Variants in PLEKHH2 observed in about 807,000 individuals in gnomAD.
The protein encoded by PLEKHH2 is pleckstrin homology, MyTH4 and FERM domain containing H2.
PLEKHH2 carries 129 observed loss-of-function variants against 187.9 expected under a neutral mutation model. That is an observed-to-expected ratio of 0.69 (90% confidence interval 0.59 to 0.79). The LOEUF (loss-of-function observed/expected upper bound fraction) is 0.79. PLEKHH2 is among the 30% of genes least tolerant of loss of function. The pLI, the probability that PLEKHH2 is intolerant of heterozygous loss-of-function variation, is 0.00. For missense variants in PLEKHH2, 2,076 were observed against 1,751.2 expected (o/e 1.19, Z -3.31); for synonymous variants, 686 against 605.6 (o/e 1.13, Z -1.95).
Position 43,712,287 on chromosome 2 carries a change from G to C in PLEKHH2, c.2364G>C (p.Trp788Cys), listed in dbSNP as rs199594794. The part of the protein sequence containing the change: ...TADSPNILEE[W>C]IKVLQNVLRV... ...ATTCTCCCAATATATTGGAAGAGTG[G>C]ATTAAAGTGTTACAGAATGTTCTTC... The change falls in exon 15 of 30, where the codon TGG becomes TGC. Residue 788 changes from tryptophan to cysteine, a missense_variant. Physicochemically the swap from Trp to Cys is radical, Grantham distance 215 (BLOSUM62 -2). Transcript: ENST00000282406. The C allele has an allele frequency of 6.2e-7, 1 of 1,613,536 alleles. No homozygotes were observed. Among genetic ancestry groups the C allele is most frequent in the Non-Finnish European group, 8.5e-7 (1 of 1,179,488 alleles).
At chr2:43,669,473 T>G (rs1328279340) in intron 2 of PLEKHH2, among the ~76,000 whole-genome samples, 2 of 152,128 alleles carry the variant, frequency 1.3e-5, no homozygotes, top group East Asian at 3.9e-4. Context: ...GTATTATATC[T>G]CGACTTTAAA....
intron 7 of PLEKHH2, among the ~76,000 whole-genome samples, chr2:43,699,018 T>C (rs1240013313): frequency 6.6e-5 from 10 of 152,226 alleles, no homozygotes; most frequent in African/African-American, 1.7e-4. Flanking sequence ...TATTAAACTA[T>C]AGCTTTGTAT....
intron 2 of PLEKHH2, among the ~76,000 whole-genome samples, chr2:43,647,412 C>A (rs1313243816): frequency 1.3e-5 from 2 of 152,164 alleles, no homozygotes; most frequent in African/African-American, 4.8e-5. Flanking sequence ...TCTTTTTAAG[C>A]CTGAAGGCTT....
chr2:43,711,966 C>G lies in PLEKHH2; in HGVS notation c.2302-259C>G, dbSNP rs1285407032. On this transcript the variant is annotated intron_variant, in intron 14 of 29. Transcript: ENST00000282406. ...AGAAAGGGAAAATGTGACAAATAAA[C>G]AAGATATAAAATCATAACCCCAAAA... 1.6e-5 allele frequency: 18 copies of G among 1,138,760 alleles called. No individual in the cohort carries two copies. The East Asian group carries it at 1.0e-3, about 65-fold the overall frequency. The allele number at this position is 1,138,760 out of a possible 1,614,324, so 70.5% of individuals were successfully genotyped here.
rs967626451 is a variant in PLEKHH2, at chr2:43,678,034, G to A, written c.124-829G>A. Among the ~76,000 whole-genome samples, 7 of 151,158 alleles carry A rather than the reference G, an allele frequency of 4.6e-5. 1 individual carries two copies. Among genetic ancestry groups the A allele is most frequent in the African/African-American group, 9.7e-5 (4 of 41,182 alleles). On this transcript the variant is annotated intron_variant, in intron 2 of 29. Transcript: ENST00000282406. ...CAGAGGGTCTCCTCACTTCTCAGAC[G>A]AGGCGGCCTGGCAGAGACGCTCCTC...
chr2:43,703,500 G>T (rs1385954198), intron 8 of PLEKHH2, among the ~76,000 whole-genome samples: 1 of 152,088 alleles, frequency 6.6e-6, no homozygotes, highest in Non-Finnish European at 1.5e-5. Flanking sequence ...CTGACTTCAG[G>T]TTTTTCCATT....
chr2:43,763,193 A>G (rs944464168), intron 28 of PLEKHH2, among the ~76,000 whole-genome samples: 5 of 152,196 alleles, frequency 3.3e-5, no homozygotes, highest in African/African-American at 1.2e-4. Context: ...ACTTAAAGTA[A>G]AAACAAACAA....
In PLEKHH2 at chr2:43,700,499, A is replaced by G. The variant is rs144437669; in HGVS notation, c.1541A>G (p.Tyr514Cys). ...DTSCDDGLFS[Y>C]DSLDSPNSDD... ...AGTTGTGATGATGGATTATTTTCCTATGACTCCTTGGACTCTCCAAATTCA... is the reference window on the plus strand; with the variant it reads ...AGTTGTGATGATGGATTATTTTCCTGTGACTCCTTGGACTCTCCAAATTCA... The change falls in exon 8 of 30, where the codon TAT becomes TGT. Residue 514 changes from tyrosine (Y) to cysteine (C), a missense_variant. Tyr to Cys is a radical substitution (Grantham distance 194). Transcript: ENST00000282406. 24 of 1,614,116 alleles carry G rather than the reference A, an allele frequency of 1.5e-5. No homozygotes were observed. The highest frequency in any genetic ancestry group is 9.3e-5 in the African/African-American group (7 of 75,026).
chr2:43,641,138 C>G (rs539695011), intron 1 of PLEKHH2, among the ~76,000 whole-genome samples: 56 of 151,772 alleles, frequency 3.7e-4, no homozygotes, highest in Non-Finnish European at 7.2e-4. Flanking sequence ...TCGTTGAGTC[C>G]TAAGAGTCCT....
Position 43,767,546 on chromosome 2 carries a change from C to A in PLEKHH2, c.*1948C>A, listed in dbSNP as rs933368799. 1 of 152,292 alleles carries A rather than the reference C, an allele frequency of 6.6e-6. No individual in the cohort carries two copies. Among genetic ancestry groups the A allele is most frequent in the Admixed American group, 6.5e-5 (1 of 15,274 alleles). 9.4% of individuals were successfully genotyped at this position (152,292 alleles called of 1,614,324 possible). Reference sequence around the variant, plus strand: ...CCAGTTTGTGATGACTCTCAGAAGCCTTTTGGCTGGGTTACAGAAGAGTTT... The same window carrying A: ...CCAGTTTGTGATGACTCTCAGAAGCATTTTGGCTGGGTTACAGAAGAGTTT... On this transcript the variant is annotated 3_prime_UTR_variant, in exon 30 of 30. Coordinates refer to ENST00000282406, the MANE Select transcript of PLEKHH2 (RefSeq NM_172069.4).
At chr2:43,755,693 A>G (rs557040623) in intron 25 of PLEKHH2, among the ~76,000 whole-genome samples, 1 of 152,292 alleles carries the variant, frequency 6.6e-6, no homozygotes, top group African/African-American at 2.4e-5. Context: ...AATCATTTGA[A>G]GGCTCCTTCA....
rs1204504818 is a variant in PLEKHH2 at position 43,707,437 on chromosome 2, G to A, written c.1858G>A (p.Asp620Asn). 8 of 1,614,050 alleles carry A rather than the reference G, an allele frequency of 5.0e-6. No individual in the cohort carries two copies. The highest frequency in any genetic ancestry group is 5.1e-6 in the Non-Finnish European group (6 of 1,179,988). ...AATAAGTAGCAGCCCTTTCCTGGAT[G>A]ACTCATCTGGGTCAGAGGAAGAAGA... The part of the protein sequence containing the change: ...TQISSSPFLD[D>N]SSGSEEEDSS... Residue 620 changes from aspartate to asparagine, a missense_variant, in exon 11 of 30, where the codon GAC (aspartate) becomes AAC (asparagine). By Grantham distance (23) the Asp-to-Asn change is conservative. Coordinates refer to ENST00000282406, the MANE Select transcript of PLEKHH2 (RefSeq NM_172069.4).
chr2:43,744,014 C>G, intron 23 of PLEKHH2, 25 bp downstream of exon 23: 1 of 1,600,984 alleles, frequency 6.2e-7, no homozygotes, highest in African/African-American at 1.3e-5. Flanking sequence ...TTTTCAGGAG[C>G]CAAGCCCAAC....
intron 21 of PLEKHH2, 51 bp from the exon 22 acceptor site, chr2:43,742,690 G>A (rs751853483): frequency 2.2e-6 from 3 of 1,338,172 alleles, no homozygotes; most frequent in Middle Eastern, 1.9e-4. Flanking sequence ...GCACATATTA[G>A]GTTGTCAATT....
In PLEKHH2 at chr2:43,644,744, T is replaced by C. The variant is rs778702295; in HGVS notation, c.71T>C (p.Leu24Pro). The C allele has an allele frequency of 7.5e-6, 12 of 1,610,082 alleles. No homozygotes were observed. The highest frequency in any genetic ancestry group is 1.0e-5 in the Non-Finnish European group (12 of 1,177,222). Residue 24 changes from leucine to proline, a missense_variant, in exon 2 of 30, where the codon CTC (leucine) becomes CCC (proline). By Grantham distance (98) the Leu-to-Pro change is moderately conservative. Transcript: ENST00000282406. The part of the protein sequence containing the change: ...KERCVALESQ[L>P]MKFRVQASKI... The stretch of plus-strand genomic sequence containing the variant: ...CGATGTGTAGCTCTGGAGTCCCAAC[T>C]CATGAAATTTAGAGTTCAAGCAAGC...
intron 26 of PLEKHH2, 68 bp downstream of exon 26, chr2:43,757,332 C>CA: frequency 8.9e-6 from 11 of 1,231,314 alleles, no homozygotes; most frequent in Non-Finnish European, 1.1e-5. Context: ...TTTTTGTGTT[C>CA]AAATTTTAAA....
At position 43,697,218 on chromosome 2, in the gene PLEKHH2, GA is replaced by G; in HGVS notation, c.552del (p.Gly185AlafsTer4). ...SSTVSTLKLS[E>X]GQRLSSLTFG... ...CACTGTCTCTACACTAAAGCTTTCG[GA>G]AGGCCAGCGCCTGAGCAGTTTGACC... On this transcript the variant is annotated frameshift_variant, in exon 7 of 30. Coordinates refer to ENST00000282406, the MANE Select transcript of PLEKHH2 (RefSeq NM_172069.4). LOFTEE classifies it high-confidence loss of function. 3 of 1,612,674 alleles carry G rather than the reference GA, an allele frequency of 1.9e-6. No individual in the cohort carries two copies. Among genetic ancestry groups the G allele is most frequent in the Non-Finnish European group, 2.5e-6 (3 of 1,179,374 alleles).
chr2:43,746,550 ACG>A (rs1553351769), intron 24 of PLEKHH2, among the ~76,000 whole-genome samples: 6 of 146,296 alleles, frequency 4.1e-5, no homozygotes, highest in Admixed American at 2.1e-4. Context: ...ACACACACAC[ACG>A]CACACAATCA....
At chr2:43,702,414 T>A (rs1192612440) in intron 8 of PLEKHH2, among the ~76,000 whole-genome samples, 1 of 152,142 alleles carries the variant, frequency 6.6e-6, no homozygotes, top group East Asian at 1.9e-4. Flanking sequence ...ATTCTAATTA[T>A]GTTATACTTT....
Sources: gnomAD v4.1 joint callset for allele counts (sites outside exome capture counted in the v4.1 genomes callset) on GRCh38, gnomAD v4.1.1 for gene constraint, MANE v1.5 for transcripts, NCBI Gene and HGNC (gene_info 2026-07-23, HGNC 2026-07-21) for gene names.